SLC26A5: variants seen among roughly 807,000 people sequenced by gnomAD.
The protein encoded by SLC26A5 is prestin.
A neutral mutation model predicts 81.0 loss-of-function variants in SLC26A5; 51 were observed. The observed-to-expected ratio is 0.63, with a 90% confidence interval of 0.50 to 0.80. The LOEUF is 0.80. Among genes scored for constraint, SLC26A5 ranks in the 30% least tolerant of loss-of-function variants. The pLI is 0.00. For missense variants in SLC26A5, 771 were observed against 905.8 expected (o/e 0.85, Z 1.91); for synonymous variants, 325 against 332.8 (o/e 0.98, Z 0.25).
chr7:103,364,372 A>G, intron 19 of SLC26A5: 1 of 1,568,338 alleles, frequency 6.4e-7, no homozygotes, highest in Non-Finnish European at 8.7e-7. Context: ...ATGAAATTAA[A>G]AATGGCACTT....
intron 2 of SLC26A5, among the ~76,000 whole-genome samples, chr7:103,429,045 T>C (rs1825889482): frequency 6.6e-6 from 1 of 152,244 alleles, no homozygotes; most frequent in Non-Finnish European, 1.5e-5. Flanking sequence ...CTTCTATGTT[T>C]CCTTATCTTT....
intron 2 of SLC26A5, among the ~76,000 whole-genome samples, chr7:103,423,246 T>C (rs1399980457): frequency 1.3e-5 from 2 of 152,106 alleles, no homozygotes; most frequent in Admixed American, 1.3e-4. Context: ...TACTCCAGCC[T>C]GGGCGACAAG....
chr7:103,393,449 G>C (rs1258147451), intron 9 of SLC26A5, among the ~76,000 whole-genome samples: 1 of 152,082 alleles, frequency 6.6e-6, no homozygotes, highest in Non-Finnish European at 1.5e-5. Context: ...TCTTGGGGTG[G>C]GGAGGAGAGT....
At chr7:103,394,168 G>A (rs190650424) in intron 9 of SLC26A5, among the ~76,000 whole-genome samples, 12 of 152,172 alleles carry the variant, frequency 7.9e-5, no homozygotes, top group Admixed American at 2.0e-4. Flanking sequence ...GTTTCACATC[G>A]TGAAGTAAGG....
At chr7:103,377,335 G>C (rs1015426192) in intron 18 of SLC26A5, among the ~76,000 whole-genome samples, 1 of 152,096 alleles carries the variant, frequency 6.6e-6, no homozygotes, top group Non-Finnish European at 1.5e-5. Context: ...ACTGGGATGT[G>C]TTTCAAAATA....
chr7:103,410,894 G>C, intron 6 of SLC26A5, among the ~76,000 whole-genome samples: 1 of 152,094 alleles, frequency 6.6e-6, no homozygotes, highest in East Asian at 1.9e-4. Flanking sequence ...CTCCCAAAGT[G>C]CTGGGATTAA....
intron 8 of SLC26A5, among the ~76,000 whole-genome samples, chr7:103,404,385 AC>A (rs1823860223): frequency 3.3e-5 from 5 of 152,106 alleles, no homozygotes; most frequent in Admixed American, 3.3e-4. Context: ...CCTGGTGGTG[AC>A]AAAATCTCTC....
At chr7:103,441,628 A>G (rs1826886276) in intron 2 of SLC26A5, among the ~76,000 whole-genome samples, 2 of 152,102 alleles carry the variant, frequency 1.3e-5, no homozygotes, top group Admixed American at 1.3e-4. Context: ...CCCCACCTCA[A>G]CAAGTCACAG....
chr7:103,392,608 C>T (rs866807974), intron 10 of SLC26A5, among the ~76,000 whole-genome samples: 6 of 152,178 alleles, frequency 3.9e-5, no homozygotes, highest in East Asian at 1.9e-4. Context: ...GGCAGAGTCT[C>T]GCTCTGTCGC....
intron 2 of SLC26A5, among the ~76,000 whole-genome samples, chr7:103,421,896 A>C (rs1394291411): frequency 1.3e-5 from 2 of 152,230 alleles, no homozygotes; most frequent in African/African-American, 4.8e-5. Context: ...TTGACCAGCT[A>C]TATGTCAAGG....
downstream of SLC26A5, among the ~76,000 whole-genome samples, chr7:103,370,478 G>A (rs1277694725): frequency 1.3e-5 from 2 of 150,666 alleles, no homozygotes; most frequent in Non-Finnish European, 2.9e-5. Flanking sequence ...CCACGCAAGA[G>A]AGCAGACTCA....
chr7:103,374,140 G>C, downstream of SLC26A5: 13 of 1,215,480 alleles, frequency 1.1e-5, no homozygotes, highest in Non-Finnish European at 1.1e-5. Flanking sequence ...TCGATGCTTA[G>C]CTTACAAAGA....
intron 19 of SLC26A5, chr7:103,366,190 T>C (rs1820708592): frequency 6.4e-7 from 1 of 1,563,436 alleles, no homozygotes; most frequent in Admixed American, 1.7e-5. Flanking sequence ...AGAGAACTGC[T>C]TTAGGATTCA....
intron 9 of SLC26A5, among the ~76,000 whole-genome samples, chr7:103,395,836 A>G (rs1823069344): frequency 6.6e-6 from 1 of 152,108 alleles, no homozygotes; most frequent in South Asian, 2.1e-4. Context: ...TGTTTTAAAA[A>G]TGTACAGTTA....
rs762312774 is a variant in SLC26A5, at chr7:103,368,098, C to T, written c.2041+8710G>A. ...TGAAAACTTTAAATTGGAATCCTAA[C>T]CTTATATAGACTTGTTAATAACCAA... is the stretch of plus-strand genomic sequence containing the variant. On this transcript the variant is annotated intron_variant, in intron 19 of 19. Coordinates refer to the SLC26A5 transcript ENST00000339444. The T allele has an allele frequency of 9.1e-6, 14 of 1,534,250 alleles. 1 individual carries two copies. In the South Asian group the frequency reaches 1.6e-4, roughly 17 times the overall value.
chr7:103,416,082 CTGAA>C (rs1188079433), intron 4 of SLC26A5, among the ~76,000 whole-genome samples: 1 of 152,188 alleles, frequency 6.6e-6, no homozygotes, highest in East Asian at 1.9e-4. Flanking sequence ...TTCTTGTTCT[CTGAA>C]TGCTCTTTTC....
At chr7:103,430,386 G>T (rs1419606208) in intron 2 of SLC26A5, among the ~76,000 whole-genome samples, 1 of 152,132 alleles carries the variant, frequency 6.6e-6, no homozygotes, top group African/African-American at 2.4e-5. Flanking sequence ...GCCAGAACTG[G>T]CACTTTAGAG....
intron 19 of SLC26A5, chr7:103,363,361 T>C (rs1436652022): frequency 6.2e-7 from 1 of 1,613,588 alleles, no homozygotes; most frequent in African/African-American, 1.3e-5. Context: ...AGAAACCTGA[T>C]GTCACATACA....
Position 103,353,944 on chromosome 7 carries a change from T to G in SLC26A5, c.2042-1018A>C, listed in dbSNP as rs761373728. On this transcript the variant is annotated intron_variant, in intron 19 of 19. Transcript: ENST00000339444. ...AGCTCTGGATGAGGGGGATATTGCC[T>G]TGTTGAAAACTTATGTAAGTCCTTT... 5 of 1,602,404 alleles carry G rather than the reference T, an allele frequency of 3.1e-6. No homozygotes were observed. In the East Asian group the frequency reaches 1.1e-4, roughly 36 times the overall value.
Sources: gnomAD v4.1 joint callset for allele counts (sites outside exome capture counted in the v4.1 genomes callset) on GRCh38, gnomAD v4.1.1 for gene constraint, MANE v1.5 for transcripts, NCBI Gene and HGNC (gene_info 2026-07-23, HGNC 2026-07-21) for gene names.